The following TRAPPC13 variants were observed in gnomAD, a reference collection of about 807,000 sequenced individuals.
The protein encoded by TRAPPC13 is trafficking protein particle complex subunit 13, also known as REV7-interacting novel NHEJ regulator 1.
Under a neutral mutation model 54.0 loss-of-function variants are expected in TRAPPC13, and 39 were observed. That is an observed-to-expected ratio of 0.72 (90% confidence interval 0.56 to 0.94). TRAPPC13 has a LOEUF of 0.94. Among genes scored for constraint, TRAPPC13 ranks in the 40% least tolerant of loss-of-function variants. The pLI is 0.00. For synonymous variants in TRAPPC13, 148 were observed against 167.7 expected (o/e 0.88, Z 0.91); for missense variants, 386 against 488.1 (o/e 0.79, Z 1.97).
At chr5:65,634,272 A>C (rs1219753043) in intron 1 of TRAPPC13, among the ~76,000 whole-genome samples, 2 of 152,126 alleles carry the variant, frequency 1.3e-5, no homozygotes, top group Admixed American at 1.3e-4. Context: ...GGCGTGAGCC[A>C]CCATGCCTGG....
At chr5:65,628,745 A>G (rs1203027796) in intron 1 of TRAPPC13, among the ~76,000 whole-genome samples, 3 of 152,018 alleles carry the variant, frequency 2.0e-5, no homozygotes, top group Non-Finnish European at 4.4e-5. Context: ...TTCTGGGATT[A>G]CAGGCATGAG....
At chr5:65,650,919 C>T (rs1472663913) in intron 6 of TRAPPC13, 37 bp downstream of exon 6, 4 of 1,412,718 alleles carry the variant, frequency 2.8e-6, no homozygotes, top group African/African-American at 1.4e-5. Context: ...TTTTTATATG[C>T]CTTTTTCTTC....
At chr5:65,628,758 A>G (rs1179180429) in intron 1 of TRAPPC13, among the ~76,000 whole-genome samples, 1 of 151,946 alleles carries the variant, frequency 6.6e-6, no homozygotes, top group Non-Finnish European at 1.5e-5. Flanking sequence ...GGCATGAGCC[A>G]CCGCACCTGG....
At chr5:65,643,590 G>A (rs964743058) in intron 4 of TRAPPC13, among the ~76,000 whole-genome samples, 1 of 151,880 alleles carries the variant, frequency 6.6e-6, no homozygotes, top group African/African-American at 2.4e-5. Context: ...AGGCCGAGGC[G>A]GGCGGATCAC....
At chr5:65,661,074 C>T in intron 10 of TRAPPC13, 177 bp downstream of exon 10, 2 of 495,352 alleles carry the variant, frequency 4.0e-6, no homozygotes, top group Non-Finnish European at 7.1e-6. Flanking sequence ...CTGGTGTTGC[C>T]ATGAATGAAA....
chr5:65,634,960 G>A (rs1755694138), intron 1 of TRAPPC13: 33 of 908,432 alleles, frequency 3.6e-5, no homozygotes, highest in Non-Finnish European at 4.3e-5. Flanking sequence ...ATTGTTTATG[G>A]TGAAATCACT....
intron 10 of TRAPPC13, 194 bp downstream of exon 10, chr5:65,661,091 C>T (rs1290557317): frequency 2.1e-6 from 1 of 478,040 alleles, no homozygotes; most frequent in Admixed American, 3.9e-5. Context: ...GAAAAATGGT[C>T]AAATGTTAAT....
intron 1 of TRAPPC13, among the ~76,000 whole-genome samples, chr5:65,633,745 C>T (rs1235674252): frequency 6.6e-6 from 1 of 151,782 alleles, no homozygotes; most frequent in Non-Finnish European, 1.5e-5. Context: ...AGTGTTTACT[C>T]ATTAGACTAT....
In TRAPPC13 at chr5:65,664,607, G is replaced by A. The variant is rs1756971890; in HGVS notation, c.1250G>A (p.Ser417Asn). 1 of 1,610,586 alleles carries A rather than the reference G, an allele frequency of 6.2e-7. No individual in the cohort carries two copies. The highest frequency in any genetic ancestry group is 1.3e-5 in the African/African-American group (1 of 74,838). The change falls in exon 13 of 13, where the codon AGC (serine) becomes AAC (asparagine). Residue 417 changes from serine to asparagine, a missense_variant. By Grantham distance (46) the Ser-to-Asn change is conservative (BLOSUM62 1). Coordinates refer to ENST00000399438, the MANE Select transcript of TRAPPC13 (RefSeq NM_024941.4). ...CVVSSAIKVE[S>N] Reference sequence around the variant, plus strand: ...GTATCTTCTGCCATTAAAGTGGAAAGCTGAAGGAAACTTCCAATGTTAGGC... The same window carrying A: ...GTATCTTCTGCCATTAAAGTGGAAAACTGAAGGAAACTTCCAATGTTAGGC...
rs370435355 is a variant in TRAPPC13, at chr5:65,637,746, A to C, written c.266A>C (p.Asp89Ala). The change falls in exon 4 of 13, where the codon GAT (aspartate) becomes GCT (alanine). Residue 89 changes from aspartate (D) to alanine (A), a missense_variant. By Grantham distance (126) the Asp-to-Ala change is moderately radical. Coordinates refer to ENST00000399438, the MANE Select transcript of TRAPPC13 (RefSeq NM_024941.4). ...TFSSYISVHN[D>A]SNQVVKDILV... ...TCCAGTTATATCAGCGTTCATAATGATAGCAATCAAGTTGTAAAAGACATA... is the reference window on the plus strand; with the variant it reads ...TCCAGTTATATCAGCGTTCATAATGCTAGCAATCAAGTTGTAAAAGACATA... 2.5e-6 allele frequency: 4 copies of C among 1,576,176 alleles called. No individual in the cohort carries two copies. The highest frequency in any genetic ancestry group is 3.5e-6 in the Non-Finnish European group (4 of 1,157,822).
chr5:65,648,789 C>T (rs1185003049), intron 5 of TRAPPC13, among the ~76,000 whole-genome samples: 1 of 151,996 alleles, frequency 6.6e-6, no homozygotes, highest in Non-Finnish European at 1.5e-5. Flanking sequence ...TCTTTCCAGT[C>T]TTTTTGCATA....
chr5:65,630,222 G>T, intron 1 of TRAPPC13: 1 of 1,535,880 alleles, frequency 6.5e-7, no homozygotes, highest in Non-Finnish European at 8.7e-7. Flanking sequence ...GGCCAAATAT[G>T]GGTGTTCTGT....
rs767234379 is a variant in TRAPPC13, at chr5:65,664,272, A to G, written c.1034A>G (p.Asn345Ser). Residue 345 changes from asparagine (N) to serine (S), a missense_variant, in exon 12 of 13, where the codon AAT becomes AGT. Transcript: ENST00000399438. ...RTMDLVLEMC[N>S]TNSIHWCGIS... The stretch of plus-strand genomic sequence containing the variant: ...ATGGATCTGGTTTTGGAAATGTGCA[A>G]TACCAATTCCATCCACTGGTGTGGA... The G allele has an allele frequency of 1.9e-6, 3 of 1,613,908 alleles. No individual in the cohort carries two copies. The South Asian group carries it at 3.3e-5, about 18-fold the overall frequency.
chr5:65,652,355 TTG>T, intron 6 of TRAPPC13, 144 bp from the exon 7 acceptor site: 1 of 428,634 alleles, frequency 2.3e-6, no homozygotes, highest in Non-Finnish European at 4.1e-6. Context: ...TTTTTTTTTT[TTG>T]GAAGAATATT....
At chr5:65,626,444 A>G (rs1309860049) in intron 1 of TRAPPC13, among the ~76,000 whole-genome samples, 1 of 152,222 alleles carries the variant, frequency 6.6e-6, no homozygotes, top group African/African-American at 2.4e-5. Context: ...GCTATTAAAA[A>G]CAGTTAAATT....
In TRAPPC13 at chr5:65,665,901, A is replaced by AAG. The variant is rs1251905278; in HGVS notation, c.*1293_*1294dup. 6.6e-6 allele frequency: 1 copy of AAG among 152,642 alleles called. No homozygotes were observed. Among genetic ancestry groups the AAG allele is most frequent in the Non-Finnish European group, 1.5e-5 (1 of 68,012 alleles). 9.5% of individuals were successfully genotyped at this position (152,642 alleles called of 1,614,324 possible). ...AATGTATATATAATTTCTTAAATGTAAGAGTGCATTAAATCAAATACAAAA... is the reference window on the plus strand; with the variant it reads ...AATGTATATATAATTTCTTAAATGTAAGAGAGTGCATTAAATCAAATACAAAA... On this transcript the variant is annotated 3_prime_UTR_variant, in exon 13 of 13. Transcript: ENST00000399438.
chr5:65,634,906 A>AT (rs1416652207), intron 1 of TRAPPC13: 5 of 826,098 alleles, frequency 6.1e-6, no homozygotes, highest in Non-Finnish European at 5.6e-6. Flanking sequence ...CAAAAAAAAA[A>AT]CAAAAAACAC....
At chr5:65,651,864 T>G (rs970166328) in intron 6 of TRAPPC13, among the ~76,000 whole-genome samples, 6 of 119,868 alleles carry the variant, frequency 5.0e-5, no homozygotes, top group Non-Finnish European at 8.5e-5. Context: ...TTTTTTTTTT[T>G]TTTTTTTTTT....
intron 11 of TRAPPC13, 160 bp from the exon 12 acceptor site, chr5:65,664,077 A>G: frequency 4.1e-6 from 3 of 730,746 alleles, no homozygotes; most frequent in East Asian, 5.2e-5. Context: ...TCCTGGTTCT[A>G]TCTTAAGTGA....
Sources: gnomAD v4.1 joint callset for allele counts (sites outside exome capture counted in the v4.1 genomes callset) on GRCh38, gnomAD v4.1.1 for gene constraint, MANE v1.5 for transcripts, NCBI Gene and HGNC (gene_info 2026-07-23, HGNC 2026-07-21) for gene names.